Variants in MTSS1 observed in about 807,000 individuals in gnomAD.
The protein encoded by MTSS1 is protein MTSS 1.
MTSS1 carries 18 observed loss-of-function variants against 79.0 expected under a neutral mutation model. That is an observed-to-expected ratio of 0.23 (90% CI 0.16 to 0.34). MTSS1 has a LOEUF of 0.34. MTSS1 is among the 10% of genes least tolerant of loss of function. The pLI is 1.00. For synonymous variants in MTSS1, 341 were observed against 368.6 expected (o/e 0.93, Z 0.86); for missense variants, 815 against 986.2 (o/e 0.83, Z 2.33).
chr8:124,556,667 A>G (rs1052761854), intron 11 of MTSS1: 8 of 495,662 alleles, frequency 1.6e-5, no homozygotes, highest in Non-Finnish European at 2.9e-5. Context: ...TGGCAGCAGG[A>G]GACCCGGCAG....
chr8:124,688,696 GAACAGAGATTTTTTTCACAACCTA>G (rs1827432178), intron 3 of MTSS1, among the ~76,000 whole-genome samples: 1 of 152,148 alleles, frequency 6.6e-6, no homozygotes, highest in South Asian at 2.1e-4. Context: ...CTGAGAGACA[GAACAGAGATTTTTTTCACAACCTA>G]TGCTGTGTCC....
intron 3 of MTSS1, among the ~76,000 whole-genome samples, chr8:124,621,120 C>T (rs1363334407): frequency 6.6e-6 from 1 of 152,186 alleles, no homozygotes; most frequent in Non-Finnish European, 1.5e-5. Context: ...TTCCCCTTTC[C>T]TCCACCCAAA....
intron 3 of MTSS1, among the ~76,000 whole-genome samples, chr8:124,689,273 C>A (rs562830429): frequency 6.6e-6 from 1 of 152,064 alleles, no homozygotes; most frequent in Admixed American, 6.6e-5. Context: ...ACAGAGGAGG[C>A]ATCTATGTGG....
chr8:124,555,882 C>T lies in MTSS1; in HGVS notation c.1427G>A (p.Cys476Tyr). 2 of 1,609,764 alleles carry T rather than the reference C, an allele frequency of 1.2e-6. No individual in the cohort carries two copies. Among genetic ancestry groups the T allele is most frequent in the East Asian group, 4.5e-5 (2 of 44,876 alleles). Residue 476 changes from cysteine to tyrosine, a missense_variant, in exon 13 of 14, where the codon TGT becomes TAT. Transcript: ENST00000518547. ...AGACAGGGCCAGGGCCAGCTCCTCA[C>T]AAGCCTCCATCTCCTCACCAGGCTG... ...ATRPGEEMEA[C>Y]EELALALSRG...
chr8:124,660,355 G>T (rs1406176119), intron 3 of MTSS1, among the ~76,000 whole-genome samples: 1 of 151,968 alleles, frequency 6.6e-6, no homozygotes, highest in Non-Finnish European at 1.5e-5. Flanking sequence ...ACAAGGGAGG[G>T]TGGGGGCAAG....
chr8:124,595,306 CAGA>C (rs1452166487), intron 3 of MTSS1, among the ~76,000 whole-genome samples: 6 of 152,194 alleles, frequency 3.9e-5, no homozygotes, highest in Non-Finnish European at 2.9e-5. Context: ...CTTAAAACAA[CAGA>C]AGTTTATTAT....
rs570135523 is a variant in MTSS1, at chr8:124,704,265, T to C, written c.73-74A>G. On this transcript the variant is annotated intron_variant, in intron 1 of 13. Transcript: ENST00000518547. ...ATTACTACATTAACAGAGCACCCAA[T>C]TCCAATCATGCAGGGAACAATCTGT... The C allele has an allele frequency of 2.3e-4, 288 of 1,275,284 alleles. 1 individual carries two copies. In the African/African-American group the frequency reaches 4.0e-3, roughly 18 times the overall value. The allele number at this position is 1,275,284 out of a possible 1,614,324, so 79.0% of individuals were successfully genotyped here. A position where few individuals can be genotyped will look rare whatever the true frequency, so the allele number is the denominator to read the frequency against.
chr8:124,721,233 A>G (rs2135800963), intron 1 of MTSS1, among the ~76,000 whole-genome samples: 1 of 152,212 alleles, frequency 6.6e-6, no homozygotes, highest in South Asian at 2.1e-4. Flanking sequence ...TGCACTAGCC[A>G]CACCTCACGT....
At chr8:124,701,757 T>C (rs973419361) in intron 2 of MTSS1, among the ~76,000 whole-genome samples, 5 of 152,246 alleles carry the variant, frequency 3.3e-5, no homozygotes, top group Non-Finnish European at 7.3e-5. Context: ...CTGTCCGCTG[T>C]AGTCACAAGA....
intron 5 of MTSS1, among the ~76,000 whole-genome samples, chr8:124,585,641 C>G (rs1830733387): frequency 2.0e-5 from 3 of 152,054 alleles, no homozygotes; most frequent in Non-Finnish European, 4.4e-5. Context: ...TCTTGAACTC[C>G]TGACCTCAAG....
intron 3 of MTSS1, among the ~76,000 whole-genome samples, chr8:124,662,501 G>A (rs1431863937): frequency 6.6e-6 from 1 of 152,122 alleles, no homozygotes; most frequent in Non-Finnish European, 1.5e-5. Flanking sequence ...TCTGTCTAGG[G>A]TGTCCATCAC....
intron 3 of MTSS1, among the ~76,000 whole-genome samples, chr8:124,627,229 C>T (rs779460345): frequency 6.6e-6 from 1 of 152,214 alleles, no homozygotes; most frequent in Non-Finnish European, 1.5e-5. Flanking sequence ...AATCATCTTA[C>T]AGTGTTTAAA....
At chr8:124,594,665 A>C (rs1832444962) in intron 3 of MTSS1, among the ~76,000 whole-genome samples, 1 of 152,208 alleles carries the variant, frequency 6.6e-6, no homozygotes, top group African/African-American at 2.4e-5. Context: ...GGAAATAAAG[A>C]ACCACAAAGA....
intron 13 of MTSS1, among the ~76,000 whole-genome samples, chr8:124,555,330 C>T (rs546257459): frequency 2.0e-5 from 3 of 152,264 alleles, no homozygotes; most frequent in Admixed American, 2.0e-4. Context: ...ACTGCAAGCT[C>T]TGCCTCCTGG....
At chr8:124,718,379 T>TG (rs1832414643) in intron 1 of MTSS1, among the ~76,000 whole-genome samples, 1 of 152,078 alleles carries the variant, frequency 6.6e-6, no homozygotes, top group African/African-American at 2.4e-5. Context: ...GGTCAACTTC[T>TG]GGTTGCAGGA....
At chr8:124,707,130 C>A (rs1463033000) in intron 1 of MTSS1, among the ~76,000 whole-genome samples, 1 of 152,136 alleles carries the variant, frequency 6.6e-6, no homozygotes, top group Non-Finnish European at 1.5e-5. Flanking sequence ...GGCAAAGGTG[C>A]CACCATCTCT....
chr8:124,572,892 A>G (rs34487801), intron 6 of MTSS1, among the ~76,000 whole-genome samples: 45,284 of 151,354 alleles, frequency 0.3, 7,324 homozygotes, highest in African/African-American at 0.41. Context: ...GATTACAGGC[A>G]TGTACCACCA....
chr8:124,665,545 G>A (rs776565096), intron 3 of MTSS1, among the ~76,000 whole-genome samples: 4 of 152,094 alleles, frequency 2.6e-5, no homozygotes, highest in Non-Finnish European at 4.4e-5. Context: ...TGGCCAGGCT[G>A]ATCTCAGACA....
chr8:124,667,669 C>G (rs891165282), intron 3 of MTSS1, among the ~76,000 whole-genome samples: 2 of 151,802 alleles, frequency 1.3e-5, no homozygotes, highest in African/African-American at 4.8e-5. Context: ...AAATAAATAA[C>G]AACAACTCCG....
Sources: gnomAD v4.1 joint callset for allele counts (sites outside exome capture counted in the v4.1 genomes callset) on GRCh38, gnomAD v4.1.1 for gene constraint, MANE v1.5 for transcripts, NCBI Gene and HGNC (gene_info 2026-07-23, HGNC 2026-07-21) for gene names.